Variants in TSEN54 observed in about 807,000 individuals in gnomAD.
TSEN54 encodes the protein tRNA splicing endonuclease subunit 54, also known as tRNA-splicing endonuclease subunit Sen54.
Under a neutral mutation model 61.9 loss-of-function variants are expected in TSEN54, and 55 were observed. That is an observed-to-expected ratio of 0.89 (90% CI 0.72 to 1.11). The LOEUF (loss-of-function observed/expected upper bound fraction) is 1.11, where lower values mean the gene tolerates loss of function less well. Among genes scored for constraint, TSEN54 ranks in the 50% most tolerant of loss-of-function variants. The pLI, the probability that TSEN54 is intolerant of heterozygous loss-of-function variation, is 0.00. For synonymous variants in TSEN54, 304 were observed against 288.7 expected, an observed-to-expected ratio of 1.05 and a Z score of -0.54; for missense variants, 760 against 687.7, an observed-to-expected ratio of 1.11 and a Z score of -1.18.
At chr17:75,523,130 G>A in intron 8 of TSEN54, 145 bp from the exon 9 acceptor site, 1 of 1,050,374 alleles carries the variant, frequency 9.5e-7, no homozygotes, top group Non-Finnish European at 1.5e-6. Flanking sequence ...AGTGAGCCAA[G>A]ATCACGCCAC....
At position 75,522,059 on chromosome 17, in the gene TSEN54, C is replaced by T. The variant is rs936793986; in HGVS notation, c.978C>T (p.Asn326=). 10 of 1,588,006 alleles carry T rather than the reference C, an allele frequency of 6.3e-6. No individual in the cohort carries two copies. Among genetic ancestry groups the T allele is most frequent in the South Asian group, 1.1e-5 (1 of 87,620 alleles). Residue 326 remains asparagine, a synonymous_variant, in exon 8 of 11, where the codon AAC becomes AAT. Transcript: ENST00000333213. ...CAGCCCCAGAGCTGCTCCCGGCCAA[C>T]GTGGCTGGGCGGGAGACAGACGCTG... ...RAPAPELLPA[N]VAGRETDAES... is the part of the protein sequence containing the mutation.
Position 75,524,515 on chromosome 17 carries a change from C to T in TSEN54, c.*103C>T, listed in dbSNP as rs1340024067. On this transcript the variant is annotated 3_prime_UTR_variant, in exon 11 of 11. Transcript: ENST00000333213. ...CCTGTACCCAGACTCTAACCTGTAGCTTCAGAGGCCAGTCTGGGCCTTGGC... is the reference window on the plus strand; with the variant it reads ...CCTGTACCCAGACTCTAACCTGTAGTTTCAGAGGCCAGTCTGGGCCTTGGC... The T allele has an allele frequency of 7.0e-7, 1 of 1,434,778 alleles. No homozygotes were observed. Among genetic ancestry groups the T allele is most frequent in the Non-Finnish European group, 9.7e-7 (1 of 1,028,218 alleles). The allele number at this position is 1,434,778 out of a possible 1,614,324, so 88.9% of individuals were successfully genotyped here. A position where few individuals can be genotyped will look rare whatever the true frequency, so the allele number is the denominator to read the frequency against.
At chr17:75,519,927 G>A (rs59476633) in intron 6 of TSEN54, among the ~76,000 whole-genome samples, 38,987 of 152,046 alleles carry the variant, frequency 0.26, 5,294 homozygotes, top group Middle Eastern at 0.37. Flanking sequence ...AATCGTGGAC[G>A]TGTACAGTGG....
At chr17:75,524,223 G>T (rs758071961) in intron 10 of TSEN54, 39 bp from the exon 11 acceptor site, 1 of 1,613,778 alleles carries the variant, frequency 6.2e-7, no homozygotes, top group South Asian at 1.1e-5. Flanking sequence ...TTAGGAGTGG[G>T]CTATGGCTGG....
In TSEN54 at chr17:75,523,782, A is replaced by T. The variant is rs1234722660; in HGVS notation, c.1430+3A>T. ...TATGCCCGGATGTGCATTAGTGGGT[A>T]CGCAGTGAGCCAGCACTGCCCCTCC... is the stretch of plus-strand genomic sequence containing the variant. On this transcript the variant is annotated splice_donor_region_variant and intron_variant, in intron 10 of 10. Transcript: ENST00000333213. 1 of 1,613,458 alleles carries T rather than the reference A, an allele frequency of 6.2e-7. No homozygotes were observed. The highest frequency in any genetic ancestry group is 2.2e-5 in the East Asian group (1 of 44,880).
intron 6 of TSEN54, among the ~76,000 whole-genome samples, chr17:75,519,482 G>A (rs913217140): frequency 6.6e-5 from 10 of 152,234 alleles, no homozygotes; most frequent in Non-Finnish European, 1.5e-4. Flanking sequence ...ATTGGTAAAA[G>A]GCAGAGACCT....
At chr17:75,523,121 G>A in intron 8 of TSEN54, 154 bp from the exon 9 acceptor site, 1 of 949,042 alleles carries the variant, frequency 1.1e-6, no homozygotes, top group South Asian at 1.3e-5. Context: ...AGAGGTCACA[G>A]TGAGCCAAGA....
In TSEN54 at chr17:75,521,975, C is replaced by T. The variant is rs564262300; in HGVS notation, c.894C>T (p.Phe298=). The change falls in exon 8 of 11, where the codon TTC becomes TTT. Residue 298 remains phenylalanine, a synonymous_variant. Coordinates refer to ENST00000333213, the MANE Select transcript of TSEN54 (RefSeq NM_207346.3). ...GAGCCGGTAAGCGGCGCTGGAACTT[C>T]GAGCAGATCTCCTTCCCCAACATGG... The part of the protein sequence containing the change: ...VTGAGKRRWN[F]EQISFPNMAS... 3.1e-6 allele frequency: 5 copies of T among 1,607,990 alleles called. No individual in the cohort carries two copies. The highest frequency in any genetic ancestry group is 4.5e-5 in the East Asian group (2 of 44,518).
chr17:75,522,388 G>A, intron 8 of TSEN54, 55 bp downstream of exon 8: 2 of 1,538,034 alleles, frequency 1.3e-6, no homozygotes, highest in Middle Eastern at 2.3e-4. Context: ...AGGAATCACA[G>A]GACTTTGGAA....
chr17:75,520,208 C>T (rs1211355329), intron 6 of TSEN54, among the ~76,000 whole-genome samples: 1 of 152,168 alleles, frequency 6.6e-6, no homozygotes, highest in African/African-American at 2.4e-5. Flanking sequence ...TCTGTGATGT[C>T]TAATACATGG....
chr17:75,522,874 TAA>T (rs58545411), intron 8 of TSEN54: 12,335 of 258,166 alleles, frequency 0.048, no homozygotes, highest in South Asian at 0.082. Context: ...ATGCTTATAC[TAA>T]AAAAAAAAAA....
chr17:75,521,517 C>G lies in TSEN54; in HGVS notation c.623+7C>G, dbSNP rs2053426830. The G allele has an allele frequency of 2.5e-6, 4 of 1,613,416 alleles. No homozygotes were observed. Among genetic ancestry groups the G allele is most frequent in the Non-Finnish European group, 3.4e-6 (4 of 1,179,568 alleles). On this transcript the variant is annotated splice_region_variant and intron_variant, in intron 7 of 10. Coordinates refer to ENST00000333213, the MANE Select transcript of TSEN54 (RefSeq NM_207346.3). ...GGAGCAGCTCCAGCCCTCGGTAACTCCCACATCACGGTGGCCCCCCAGGGA... is the reference window on the plus strand; with the variant it reads ...GGAGCAGCTCCAGCCCTCGGTAACTGCCACATCACGGTGGCCCCCCAGGGA...
In TSEN54 at chr17:75,522,370, G is replaced by A. The variant is rs1197125327; in HGVS notation, c.1252+37G>A. The A allele has an allele frequency of 6.5e-6, 10 of 1,540,634 alleles. No homozygotes were observed. The Admixed American group carries it at 9.8e-5, about 15-fold the overall frequency. Reference sequence around the variant, plus strand: ...GCCTGCCACATCTTCGAGGGCCACTGGCAGCTGAGGAATCACAGGACTTTG... The same window carrying A: ...GCCTGCCACATCTTCGAGGGCCACTAGCAGCTGAGGAATCACAGGACTTTG... On this transcript the variant is annotated intron_variant, in intron 8 of 10. Transcript: ENST00000333213.
chr17:75,523,617 T>A (rs369789793), intron 9 of TSEN54, 46 bp from the exon 10 acceptor site: 1 of 1,614,034 alleles, frequency 6.2e-7, no homozygotes, highest in Non-Finnish European at 8.5e-7. Context: ...AAAAGAAAGG[T>A]TGGGGAGAAG....
intron 3 of TSEN54, 38 bp from the exon 4 acceptor site, chr17:75,517,123 C>CTCCCTCCCT: frequency 2.0e-6 from 3 of 1,515,730 alleles, no homozygotes; most frequent in South Asian, 2.3e-5. Context: ...CCTCCCTGCC[C>CTCCCTCCCT]TCCCTCCCTT....
At chr17:75,524,188 ATC>A in intron 10 of TSEN54, 72 bp from the exon 11 acceptor site, 3 of 1,604,932 alleles carry the variant, frequency 1.9e-6, no homozygotes, top group Non-Finnish European at 2.6e-6. Context: ...CTTCCGTAGA[ATC>A]TCTTCTCTGG....
At chr17:75,523,073 G>A (rs955960528) in intron 8 of TSEN54, 13 of 634,382 alleles carry the variant, frequency 2.0e-5, no homozygotes, top group Admixed American at 1.6e-4. Flanking sequence ...CAGCTACTCA[G>A]GAGGCTGAGA....
In TSEN54 at chr17:75,516,831, TCGGCAGCTCAGGCCGAG is replaced by T; in HGVS notation, c.147_163del (p.Gln51ProfsTer125). 2.5e-6 allele frequency: 4 copies of T among 1,590,418 alleles called. No homozygotes were observed. Among genetic ancestry groups the T allele is most frequent in the Non-Finnish European group, 3.4e-6 (4 of 1,175,294 alleles). On this transcript the variant is annotated frameshift_variant, in exon 2 of 11. Transcript: ENST00000333213. LOFTEE classifies it high-confidence loss of function. ...CCCCAAGGACTTTCTGCCCGACGGC[TCGGCAGCTCAGGCCGAG>T]CGGCTGCGCCGGTGCCGGGAAGAGC...
rs1377483253 is a variant in TSEN54, at chr17:75,516,996, C to A, written c.222-13C>A. The stretch of plus-strand genomic sequence containing the variant: ...GAATGGACTGACGCAGACCCCTCCC[C>A]ACTCCTCGCCAGGGGCAGCTTGGTG... On this transcript the variant is annotated splice_polypyrimidine_tract_variant and intron_variant, in intron 2 of 10. Coordinates refer to ENST00000333213, the MANE Select transcript of TSEN54 (RefSeq NM_207346.3). The A allele has an allele frequency of 6.4e-7, 1 of 1,573,946 alleles. No homozygotes were observed. Among genetic ancestry groups the A allele is most frequent in the Admixed American group, 1.8e-5 (1 of 54,462 alleles).
Sources: gnomAD v4.1 joint callset for allele counts (sites outside exome capture counted in the v4.1 genomes callset) on GRCh38, gnomAD v4.1.1 for gene constraint, MANE v1.5 for transcripts, NCBI Gene and HGNC (gene_info 2026-07-23, HGNC 2026-07-21) for gene names.